Variants in CSMD1 observed in about 807,000 individuals in gnomAD.
The protein encoded by CSMD1 is CUB and sushi domain-containing protein 1.
Under a neutral mutation model 417.5 loss-of-function variants are expected in CSMD1, and 213 were observed. The ratio of observed to expected loss-of-function variants is 0.51; its 90% CI spans 0.46 to 0.57. The LOEUF is 0.57. CSMD1 is among the 20% of genes least tolerant of loss of function. The probability of loss-of-function intolerance (pLI) is 0.00; values close to 1 mark genes in which losing one functional copy is unlikely to be tolerated. For synonymous variants in CSMD1, 2,862 were observed against 1,736.8 expected, an observed-to-expected ratio of 1.65 and a Z score of -16.11; for missense variants, 6,923 against 4,529.7, an observed-to-expected ratio of 1.53 and a Z score of -15.17.
intron 1 of CSMD1, among the ~76,000 whole-genome samples, chr8:4,839,383 C>G (rs1301006157): frequency 3.3e-5 from 5 of 152,180 alleles, no homozygotes; most frequent in African/African-American, 9.7e-5. Context: ...GTCAAAGTAT[C>G]ACATCACAGT....
intron 3 of CSMD1, among the ~76,000 whole-genome samples, chr8:4,102,890 G>C (rs908026249): frequency 2.0e-5 from 3 of 152,108 alleles, no homozygotes; most frequent in Non-Finnish European, 2.9e-5. Context: ...GCAGTCTAAA[G>C]GTTATAGCAA....
chr8:4,822,981 G>C (rs1799605468), intron 1 of CSMD1, among the ~76,000 whole-genome samples: 1 of 152,012 alleles, frequency 6.6e-6, no homozygotes, highest in African/African-American at 2.4e-5. Context: ...GCAACCATTT[G>C]GGAAATCCAG....
At chr8:4,329,558 G>A (rs144263303) in intron 3 of CSMD1, among the ~76,000 whole-genome samples, 2 of 152,078 alleles carry the variant, frequency 1.3e-5, no homozygotes, top group Non-Finnish European at 2.9e-5. Context: ...AAATTGCTTG[G>A]ATTAAAGGTG....
intron 5 of CSMD1, among the ~76,000 whole-genome samples, chr8:3,941,562 G>A (rs1049889243): frequency 6.6e-6 from 1 of 152,002 alleles, no homozygotes; most frequent in Non-Finnish European, 1.5e-5. Context: ...GGGTTTCCTT[G>A]GATATTTTAC....
At chr8:4,203,141 C>T (rs1409047835) in intron 3 of CSMD1, among the ~76,000 whole-genome samples, 1 of 152,128 alleles carries the variant, frequency 6.6e-6, no homozygotes, top group Non-Finnish European at 1.5e-5. Flanking sequence ...AGCTGAAAAC[C>T]TTTTCTGGCT....
intron 3 of CSMD1, among the ~76,000 whole-genome samples, chr8:4,195,631 G>A (rs1037578943): frequency 6.6e-6 from 1 of 152,160 alleles, no homozygotes; most frequent in Non-Finnish European, 1.5e-5. Context: ...CATCTTGCCT[G>A]GATGGAGTTA....
At chr8:3,535,813 A>G (rs1012250683) in intron 10 of CSMD1, among the ~76,000 whole-genome samples, 17 of 152,148 alleles carry the variant, frequency 1.1e-4, no homozygotes, top group Non-Finnish European at 2.5e-4. Context: ...GATTCCTTGC[A>G]GTTTCCTCTC....
rs1026648529 is a variant in CSMD1, at chr8:4,022,072, T to TGG, written c.610+9831_610+9832dup. ...TCTTTAATATACAGATGAATACATA[T>TGG]GGGAGCATGTATCCACACACACACA... On this transcript the variant is annotated intron_variant, in intron 4 of 69. Transcript: ENST00000635120. Among the ~76,000 whole-genome samples, 4 of 146,772 alleles carry TGG rather than the reference T, an allele frequency of 2.7e-5. No individual in the cohort carries two copies. The Admixed American group carries it at 2.8e-4, about 10-fold the overall frequency.
At chr8:4,087,761 C>T (rs971480631) in intron 3 of CSMD1, among the ~76,000 whole-genome samples, 2 of 152,158 alleles carry the variant, frequency 1.3e-5, no homozygotes, top group East Asian at 3.9e-4. Context: ...TCTTAATCTT[C>T]TTTCTATATT....
chr8:3,587,014 G>A (rs1047346135), intron 8 of CSMD1, among the ~76,000 whole-genome samples: 3 of 152,106 alleles, frequency 2.0e-5, no homozygotes, highest in Non-Finnish European at 4.4e-5. Context: ...TCGCCAGGCT[G>A]GTCTTCAACT....
At chr8:3,424,816 T>C (rs1813719008) in intron 12 of CSMD1, among the ~76,000 whole-genome samples, 1 of 152,218 alleles carries the variant, frequency 6.6e-6, no homozygotes, top group Non-Finnish European at 1.5e-5. Flanking sequence ...GAAATTGGCA[T>C]ATTGTTATCA....
intron 11 of CSMD1, among the ~76,000 whole-genome samples, chr8:3,477,917 T>A (rs1443486243): frequency 1.3e-5 from 2 of 152,186 alleles, no homozygotes; most frequent in African/African-American, 2.4e-5. Flanking sequence ...AGAGCAGGAA[T>A]CTGATTTATA....
At chr8:3,915,032 A>C (rs2948653) in intron 5 of CSMD1, among the ~76,000 whole-genome samples, 8 of 152,230 alleles carry the variant, frequency 5.3e-5, no homozygotes, top group Non-Finnish European at 7.3e-5. Context: ...AGATTCTACA[A>C]ACACATCCAG....
chr8:3,547,389 A>G (rs1210689164), intron 10 of CSMD1, among the ~76,000 whole-genome samples: 1 of 152,232 alleles, frequency 6.6e-6, no homozygotes, highest in African/African-American at 2.4e-5. Context: ...CACACTGAAG[A>G]GGTAAAACTG....
At chr8:3,307,629 C>T in intron 25 of CSMD1, 66 bp downstream of exon 25, 1 of 1,501,692 alleles carries the variant, frequency 6.7e-7, no homozygotes, top group Non-Finnish European at 9.1e-7. Flanking sequence ...GTACCACTAT[C>T]TCTGCTACAA....
At chr8:3,026,304 G>T (rs779832201) in intron 51 of CSMD1, among the ~76,000 whole-genome samples, 52 of 151,918 alleles carry the variant, frequency 3.4e-4, no homozygotes, top group Non-Finnish European at 6.5e-4. Flanking sequence ...CCAGGAGCCA[G>T]GTTTGGGAAG....
intron 7 of CSMD1, among the ~76,000 whole-genome samples, chr8:3,642,340 T>A (rs1797347885): frequency 6.6e-6 from 1 of 152,146 alleles, no homozygotes; most frequent in South Asian, 2.1e-4. Context: ...ACCTTGGTGC[T>A]GTGGGGAGAA....
At chr8:4,937,381 T>C (rs1807692834) in intron 1 of CSMD1, among the ~76,000 whole-genome samples, 1 of 152,244 alleles carries the variant, frequency 6.6e-6, no homozygotes, top group Admixed American at 6.5e-5. Context: ...ATGTAGTGTA[T>C]TCTTTACTGG....
rs1483077794 is a variant in CSMD1, at chr8:3,889,484, TATATATATAA to T, written c.818+108409_818+108418del. Reference sequence around the variant, plus strand: ...ATATATATATATATATATATATATATATATATATAAAATATGCTCATTAGGTCATGATATA... The same window carrying T: ...ATATATATATATATATATATATATATAATATGCTCATTAGGTCATGATATA... On this transcript the variant is annotated intron_variant, in intron 5 of 69. Coordinates refer to ENST00000635120, the MANE Select transcript of CSMD1 (RefSeq NM_033225.6). Among the ~76,000 whole-genome samples the T allele has an allele frequency of 8.3e-3, 944 of 114,396 alleles. 51 individuals carry two copies. The highest frequency in any genetic ancestry group is 0.026 in the African/African-American group (738 of 28,718). 75.0% of individuals were successfully genotyped at this position (114,396 alleles called of 152,430 possible). A position where few individuals can be genotyped will look rare whatever the true frequency, so the allele number is the denominator to read the frequency against.
Sources: allele counts gnomAD v4.1 joint callset (sites outside exome capture counted in the v4.1 genomes callset), GRCh38; gene constraint gnomAD v4.1.1; transcripts MANE v1.5; gene names NCBI Gene and HGNC (gene_info 2026-07-23, HGNC 2026-07-21).